Variants in RPH3A observed in about 807,000 individuals in gnomAD.
RPH3A encodes the protein rabphilin 3A.
In RPH3A, 48 loss-of-function variants were observed where a neutral mutation model predicts 102.2. The ratio of observed to expected loss-of-function variants is 0.47; its 90% confidence interval spans 0.37 to 0.60. The LOEUF (loss-of-function observed/expected upper bound fraction) is 0.60. Among genes scored for constraint, RPH3A ranks in the 20% least tolerant of loss-of-function variants. The pLI, the probability that RPH3A is intolerant of heterozygous loss-of-function variation, is 0.00. For synonymous variants in RPH3A, 310 were observed against 324.3 expected (o/e 0.96, Z 0.47); for missense variants, 781 against 910.1 (o/e 0.86, Z 1.83).
intron 1 of RPH3A, among the ~76,000 whole-genome samples, chr12:112,650,456 G>C (rs1592925739): frequency 6.6e-6 from 1 of 152,140 alleles, no homozygotes; most frequent in Admixed American, 6.5e-5. Context: ...TTGAACTAAG[G>C]CTTCCTTATC....
At chr12:112,583,925 G>A (rs955625526) in intron 1 of RPH3A, among the ~76,000 whole-genome samples, 3 of 152,210 alleles carry the variant, frequency 2.0e-5, no homozygotes, top group Admixed American at 2.0e-4. Flanking sequence ...GGTGGAGGTT[G>A]CAGTGAGCCG....
chr12:112,650,687 G>A (rs1409785409), intron 1 of RPH3A: 2 of 151,486 alleles, frequency 1.3e-5, no homozygotes, highest in Non-Finnish European at 2.9e-5. Context: ...GACACATGAA[G>A]ACAATAAATA....
chr12:112,633,110 G>C (rs192991196), intron 1 of RPH3A, among the ~76,000 whole-genome samples: 59 of 152,182 alleles, frequency 3.9e-4, no homozygotes, highest in Non-Finnish European at 6.9e-4. Context: ...AGGAGGCTGA[G>C]GCAGGAGAAT....
chr12:112,824,682 A>T (rs190922927), intron 2 of RPH3A, among the ~76,000 whole-genome samples: 2 of 152,170 alleles, frequency 1.3e-5, no homozygotes, highest in African/African-American at 4.8e-5. Flanking sequence ...GAGAGTCCCA[A>T]GTGGCCAAGC....
chr12:112,647,425 T>C (rs144791277), intron 1 of RPH3A, among the ~76,000 whole-genome samples: 74 of 152,352 alleles, frequency 4.9e-4, no homozygotes, highest in African/African-American at 1.7e-3. Flanking sequence ...TTTTATTGAA[T>C]ATCTACTGCG....
intron 1 of RPH3A, among the ~76,000 whole-genome samples, chr12:112,770,445 A>G (rs1279883328): frequency 6.6e-6 from 1 of 152,044 alleles, no homozygotes; most frequent in African/African-American, 2.4e-5. Context: ...TCCCTGGCTC[A>G]AGTGATCTTC....
At chr12:112,633,552 A>AC (rs1159103756) in intron 1 of RPH3A, among the ~76,000 whole-genome samples, 1 of 152,182 alleles carries the variant, frequency 6.6e-6, no homozygotes, top group African/African-American at 2.4e-5. Flanking sequence ...GCCCTGGGCT[A>AC]CCTTGGAACT....
intron 1 of RPH3A, among the ~76,000 whole-genome samples, chr12:112,710,835 T>C (rs2040455946): frequency 6.6e-6 from 1 of 152,238 alleles, no homozygotes; most frequent in Non-Finnish European, 1.5e-5. Flanking sequence ...TTTATTACCC[T>C]TTCTTTTTGC....
At chr12:112,640,353 A>G (rs2039879891) in intron 1 of RPH3A, among the ~76,000 whole-genome samples, 1 of 134,014 alleles carries the variant, frequency 7.5e-6, no homozygotes, top group African/African-American at 3.0e-5. Flanking sequence ...AAAAAAAAAA[A>G]AAAAAAAAAA....
chr12:112,648,730 G>A (rs2039952396), intron 1 of RPH3A, among the ~76,000 whole-genome samples: 1 of 123,736 alleles, frequency 8.1e-6, no homozygotes, highest in Admixed American at 9.8e-5. Context: ...GGGTGACAGA[G>A]CAAGACACGG....
At chr12:112,777,252 T>TTGC (rs994571662) in intron 1 of RPH3A, among the ~76,000 whole-genome samples, 4 of 152,212 alleles carry the variant, frequency 2.6e-5, no homozygotes, top group African/African-American at 9.6e-5. Context: ...ATATTAGCCC[T>TTGC]TGCTGCTGCT....
At chr12:112,771,790 C>A (rs2040929211) in intron 1 of RPH3A, among the ~76,000 whole-genome samples, 1 of 152,116 alleles carries the variant, frequency 6.6e-6, no homozygotes, top group African/African-American at 2.4e-5. Context: ...GACATGAAAT[C>A]TATTTAGTAA....
chr12:112,602,811 T>G (rs547053522), intron 1 of RPH3A, among the ~76,000 whole-genome samples: 34 of 150,596 alleles, frequency 2.3e-4, no homozygotes, highest in African/African-American at 7.8e-4. Flanking sequence ...AAAAAAAGAG[T>G]AGGAGAAAGA....
intron 16 of RPH3A, among the ~76,000 whole-genome samples, chr12:112,884,882 T>C (rs1362732840): frequency 6.6e-6 from 1 of 152,238 alleles, no homozygotes; most frequent in Non-Finnish European, 1.5e-5. Context: ...TCTTATTGAA[T>C]GCTCCCCTGG....
intron 2 of RPH3A, 53 bp from the exon 3 acceptor site, chr12:112,828,248 T>C: frequency 1.6e-6 from 2 of 1,241,912 alleles, no homozygotes; most frequent in Admixed American, 1.7e-5. Flanking sequence ...ATTTGGGAAC[T>C]AAGGAGTGGC....
Position 112,606,547 on chromosome 12 carries a change from A to C in RPH3A, c.-140+31228A>C, listed in dbSNP as rs561876863. On this transcript the variant is annotated intron_variant, in intron 1 of 21. Transcript: ENST00000543106. ...CAGTGCCCGCCACTATGGCTGGCTAATTTTTGGATTTTTAGTGGAGATGGG... is the reference window on the plus strand; with the variant it reads ...CAGTGCCCGCCACTATGGCTGGCTACTTTTTGGATTTTTAGTGGAGATGGG... Among the ~76,000 whole-genome samples, 8 of 152,152 alleles carry C rather than the reference A, an allele frequency of 5.3e-5. No homozygotes were observed. In the South Asian group the frequency reaches 1.7e-3, roughly 32 times the overall value.
At chr12:112,726,094 C>CAT (rs1565861893) in intron 1 of RPH3A, among the ~76,000 whole-genome samples, 1 of 140,480 alleles carries the variant, frequency 7.1e-6, no homozygotes, top group Non-Finnish European at 1.6e-5. Context: ...CGCACCCAGC[C>CAT]TTTTTTTTCG....
At chr12:112,596,861 A>C (rs539091000) in intron 1 of RPH3A, among the ~76,000 whole-genome samples, 2 of 152,272 alleles carry the variant, frequency 1.3e-5, no homozygotes, top group South Asian at 4.1e-4. Flanking sequence ...ACATTTCTCC[A>C]TTTATGTAAG....
chr12:112,823,273 T>C (rs1565901275), intron 2 of RPH3A, among the ~76,000 whole-genome samples: 2 of 152,226 alleles, frequency 1.3e-5, no homozygotes, highest in East Asian at 3.8e-4. Flanking sequence ...AGTAAGCACA[T>C]GGGCTTTGGA....
Sources: allele counts gnomAD v4.1 joint callset (sites outside exome capture counted in the v4.1 genomes callset), GRCh38; gene constraint gnomAD v4.1.1; transcripts MANE v1.5; gene names NCBI Gene and HGNC (gene_info 2026-07-23, HGNC 2026-07-21).